OPRK1: variants seen among roughly 807,000 people sequenced by gnomAD.
OPRK1 encodes opioid receptor kappa 1, also known as kappa-type opioid receptor.
A neutral mutation model predicts 24.5 loss-of-function variants in OPRK1; 15 were observed. That is an observed-to-expected ratio of 0.61 (90% confidence interval 0.41 to 0.94). OPRK1 has a LOEUF of 0.94. Ranked by LOEUF, OPRK1 falls within the 40% of genes least tolerant of loss-of-function variation. OPRK1 has a pLI of 0.00. For missense variants in OPRK1, 479 were observed against 507.3 expected, an observed-to-expected ratio of 0.94 and a Z score of 0.54; for synonymous variants, 205 against 198.0, an observed-to-expected ratio of 1.04 and a Z score of -0.30.
intron 2 of OPRK1, among the ~76,000 whole-genome samples, chr8:53,236,322 T>C (rs79881393): frequency 0.051 from 7,834 of 152,232 alleles, 304 homozygotes; most frequent in East Asian, 0.17. Context: ...ACAAGGGCAG[T>C]AGATGGCCTG....
chr8:53,231,379 T>G (rs1806850074), intron 3 of OPRK1, among the ~76,000 whole-genome samples: 1 of 152,190 alleles, frequency 6.6e-6, no homozygotes, highest in African/African-American at 2.4e-5. Context: ...TCCTTGGAGG[T>G]AGGGACCATG....
intron 2 of OPRK1, among the ~76,000 whole-genome samples, chr8:53,237,126 C>T (rs535069497): frequency 1.3e-5 from 2 of 152,238 alleles, no homozygotes; most frequent in Non-Finnish European, 2.9e-5. Context: ...TCCCCAACTC[C>T]CACCTCCCTT....
At chr8:53,242,304 G>A (rs111671516) in intron 2 of OPRK1, among the ~76,000 whole-genome samples, 9 of 152,272 alleles carry the variant, frequency 5.9e-5, no homozygotes, top group African/African-American at 2.2e-4. Context: ...AAACTGGGCT[G>A]TGATACTGGA....
At position 53,251,079 on chromosome 8, in the gene OPRK1, T is replaced by G. The variant is rs763868596; in HGVS notation, c.-42A>C. On this transcript the variant is annotated 5_prime_UTR_variant, in exon 2 of 4. Coordinates refer to ENST00000265572, the MANE Select transcript of OPRK1 (RefSeq NM_000912.5). ...CAGGAAGGCGAGGACAGGCGGCACC[T>G]GCGGCGCTGCGGGAGCGAAAGAACC... 11 of 1,445,560 alleles carry G rather than the reference T, an allele frequency of 7.6e-6. No individual in the cohort carries two copies. The highest frequency in any genetic ancestry group is 8.1e-6 in the Non-Finnish European group (9 of 1,105,868). 89.5% of individuals were successfully genotyped at this position (1,445,560 alleles called of 1,614,324 possible). A position where few individuals can be genotyped will look rare whatever the true frequency, so the allele number is the denominator to read the frequency against.
intron 2 of OPRK1, 117 bp downstream of exon 2, chr8:53,250,664 C>CA: frequency 1.8e-6 from 2 of 1,100,202 alleles, no homozygotes; most frequent in Non-Finnish European, 1.3e-6. Flanking sequence ...CAGGATCCTT[C>CA]ACGGAACAGA....
At chr8:53,243,290 C>A (rs1345266611) in intron 2 of OPRK1, among the ~76,000 whole-genome samples, 5 of 152,140 alleles carry the variant, frequency 3.3e-5, no homozygotes, top group Non-Finnish European at 5.9e-5. Context: ...AACTGCACAG[C>A]CACATGAAAA....
chr8:53,241,867 G>A (rs906026326), intron 2 of OPRK1, among the ~76,000 whole-genome samples: 3 of 152,202 alleles, frequency 2.0e-5, no homozygotes, highest in Non-Finnish European at 4.4e-5. Context: ...AACGGGGAGC[G>A]ATGATTCCGC....
chr8:53,234,181 T>TAAAAAAAAAAAAAAAAA (rs1806926618), intron 3 of OPRK1, among the ~76,000 whole-genome samples: 1 of 44,312 alleles, frequency 2.3e-5, no homozygotes, highest in Non-Finnish European at 3.3e-5. Context: ...AGACTCTCTC[T>TAAAAAAAAAAAAAAAAA]CAAAAAAAAA....
rs143699004 is a variant in OPRK1 at position 53,250,366 on chromosome 8, T to C, written c.257+415A>G. 3.3e-5 allele frequency among the ~76,000 whole-genome samples: 5 copies of C among 152,206 alleles called. 1 individual carries two copies. In the East Asian group the frequency reaches 9.7e-4, roughly 29 times the overall value. The stretch of plus-strand genomic sequence containing the variant: ...CATTGGGTGGGCTTGAAATTTATCT[T>C]AAGAAATATTTGCAAAGGGCATAAC... On this transcript the variant is annotated intron_variant, in intron 2 of 3. Transcript: ENST00000265572.
At chr8:53,241,743 G>A (rs1807120376) in intron 2 of OPRK1, among the ~76,000 whole-genome samples, 2 of 152,160 alleles carry the variant, frequency 1.3e-5, no homozygotes, top group Admixed American at 6.5e-5. Flanking sequence ...GGTGCAAAGC[G>A]CAAAGGCGTC....
At position 53,229,588 on chromosome 8, in the gene OPRK1, G is replaced by A. The variant is rs60353047; in HGVS notation, c.852C>T (p.Val284=). The part of the protein sequence containing the change: ...RLVLVVVAVF[V]VCWTPIHIFI... Reference sequence around the variant, plus strand: ...ATATGTGAATGGGAGTCCAGCAGACGACGAAGACTGCCACCACCACCAGGA... The same window carrying A: ...ATATGTGAATGGGAGTCCAGCAGACAACGAAGACTGCCACCACCACCAGGA... Residue 284 remains valine, a synonymous_variant, in exon 4 of 4, where the codon GTC becomes GTT. Coordinates refer to ENST00000265572, the MANE Select transcript of OPRK1 (RefSeq NM_000912.5). 981 of 1,614,162 alleles carry A rather than the reference G, an allele frequency of 6.1e-4. 3 individuals carry two copies. The African/African-American group carries it at 0.011, about 17-fold the overall frequency.
chr8:53,244,127 A>G (rs913859269), intron 2 of OPRK1, among the ~76,000 whole-genome samples: 1 of 152,196 alleles, frequency 6.6e-6, no homozygotes, highest in Non-Finnish European at 1.5e-5. Context: ...CTCTAGTTCC[A>G]AGACAGCCAC....
intron 2 of OPRK1, chr8:53,242,950 T>G: frequency 7.8e-7 from 1 of 1,286,136 alleles, no homozygotes; most frequent in Non-Finnish European, 1.0e-6. Flanking sequence ...TTAAGCCATT[T>G]ATAGTATTAT....
At chr8:53,249,912 A>G (rs932100925) in intron 2 of OPRK1, among the ~76,000 whole-genome samples, 1 of 152,180 alleles carries the variant, frequency 6.6e-6, no homozygotes, top group Non-Finnish European at 1.5e-5. Flanking sequence ...GCTCCCAGAA[A>G]AGGAAACACA....
At chr8:53,242,207 G>C (rs1355673735) in intron 2 of OPRK1, among the ~76,000 whole-genome samples, 1 of 152,184 alleles carries the variant, frequency 6.6e-6, no homozygotes, top group Non-Finnish European at 1.5e-5. Context: ...GCCCTCTTGC[G>C]CTGCCCTCTA....
chr8:53,234,766 G>A lies in OPRK1; in HGVS notation c.603C>T (p.Val201=). 6.2e-7 allele frequency: 1 copy of A among 1,608,810 alleles called. No individual in the cohort carries two copies. The highest frequency in any genetic ancestry group is 1.1e-5 in the South Asian group (1 of 91,000). ...TGAAATGACTGCTCTTACCTTCCCT[G>A]ACTTTGGTGCCTCCAAGGACTATTG... ...ISAIVLGGTK[V]REDVDVIECS... The change falls in exon 3 of 4, where the codon GTC becomes GTT. Residue 201 remains valine, a synonymous_variant. Transcript: ENST00000265572.
chr8:53,230,336 T>C (rs1399358321), intron 3 of OPRK1, among the ~76,000 whole-genome samples: 3 of 152,132 alleles, frequency 2.0e-5, no homozygotes, highest in Non-Finnish European at 2.9e-5. Flanking sequence ...CAGGAAATCA[T>C]TATGTGGGTC....
chr8:53,248,990 T>A (rs1256595550), intron 2 of OPRK1, among the ~76,000 whole-genome samples: 1 of 152,230 alleles, frequency 6.6e-6, no homozygotes, highest in East Asian at 1.9e-4. Flanking sequence ...TTAAAAATCC[T>A]AGCTAATCTA....
intron 1 of OPRK1, 92 bp downstream of exon 1, chr8:53,251,356 C>T (rs1367074072): frequency 2.4e-6 from 1 of 419,154 alleles, no homozygotes; most frequent in Non-Finnish European, 4.2e-6. Context: ...GGAACTGTCC[C>T]CAGACTGCCT....
Sources: allele counts gnomAD v4.1 joint callset (sites outside exome capture counted in the v4.1 genomes callset), GRCh38; gene constraint gnomAD v4.1.1; transcripts MANE v1.5; gene names NCBI Gene and HGNC (gene_info 2026-07-23, HGNC 2026-07-21).